RTN4RL1: variants seen among roughly 807,000 people sequenced by gnomAD.
The protein encoded by RTN4RL1 is reticulon 4 receptor like 1.
Under a neutral mutation model 25.6 loss-of-function variants are expected in RTN4RL1, and 7 were observed. The observed-to-expected ratio is 0.27, with a 90% CI of 0.16 to 0.51. The LOEUF is 0.51. Ranked by LOEUF, RTN4RL1 falls within the 20% of genes least tolerant of loss-of-function variation. The pLI is 0.97. For missense variants in RTN4RL1, 500 were observed against 615.6 expected (o/e 0.81, Z 1.99); for synonymous variants, 297 against 288.2 (o/e 1.03, Z -0.31).
intron 1 of RTN4RL1, among the ~76,000 whole-genome samples, chr17:1,972,889 G>C (rs989549907): frequency 1.3e-5 from 2 of 152,192 alleles, no homozygotes; most frequent in African/African-American, 4.8e-5. Context: ...AGAGAGCCTG[G>C]CTGGAGCTGG....
chr17:2,013,631 C>CTTGGGGTTTGATAGCT (rs1567528138), intron 1 of RTN4RL1, among the ~76,000 whole-genome samples: 12 of 136,032 alleles, frequency 8.8e-5, no homozygotes, highest in African/African-American at 2.8e-4. Flanking sequence ...CTCCCTCACC[C>CTTGGGGTTTGATAGCT]TGGAACATAA....
intron 1 of RTN4RL1, among the ~76,000 whole-genome samples, chr17:1,987,417 C>A (rs921570969): frequency 6.6e-6 from 1 of 152,152 alleles, no homozygotes; most frequent in Non-Finnish European, 1.5e-5. Flanking sequence ...CTGCTGGATC[C>A]TTCTGAGAAT....
chr17:1,983,535 A>T (rs1366958223), intron 1 of RTN4RL1, among the ~76,000 whole-genome samples: 1 of 152,126 alleles, frequency 6.6e-6, no homozygotes, highest in Non-Finnish European at 1.5e-5. Context: ...AGCAGCTGAG[A>T]CCATAGTCAC....
chr17:1,997,537 G>T (rs2151320974), intron 1 of RTN4RL1, among the ~76,000 whole-genome samples: 1 of 152,330 alleles, frequency 6.6e-6, no homozygotes, highest in South Asian at 2.1e-4. Context: ...AAGTATGACT[G>T]GCCCATAGTA....
rs562179764 is a variant in RTN4RL1, at chr17:1,971,226, C to T, written c.14-33418G>A. On this transcript the variant is annotated intron_variant, in intron 1 of 1. Transcript: ENST00000331238. ...TTCTCATGAGATCTGATGGTTTATA[C>T]GTGTTTGACAGTTCCTCCTTCACAT... 5.4e-4 allele frequency among the ~76,000 whole-genome samples: 82 copies of T among 152,278 alleles called. 3 individuals carry two copies. In the South Asian group the frequency reaches 0.015, roughly 28 times the overall value.
chr17:1,943,712 G>A (rs1175401287), intron 1 of RTN4RL1, among the ~76,000 whole-genome samples: 1 of 152,178 alleles, frequency 6.6e-6, no homozygotes, highest in Non-Finnish European at 1.5e-5. Flanking sequence ...CCAAGCACAG[G>A]CCACTTCCTG....
intron 1 of RTN4RL1, among the ~76,000 whole-genome samples, chr17:1,964,021 G>A (rs575663037): frequency 3.4e-4 from 51 of 152,228 alleles, no homozygotes; most frequent in African/African-American, 1.2e-3. Flanking sequence ...CCACCGCGCC[G>A]GGCCTGCCCT....
At chr17:1,937,860 GGCACC>G in intron 1 of RTN4RL1, 52 bp from the exon 2 acceptor site, 1 of 1,396,750 alleles carries the variant, frequency 7.2e-7, no homozygotes, top group Non-Finnish European at 9.8e-7. Context: ...GGTGAGGACT[GGCACC>G]GCACCCTCCG....
In RTN4RL1 at chr17:1,935,692, A is replaced by T. The variant is rs1915280046; in HGVS notation, c.*804T>A. 1.2e-6 allele frequency: 1 copy of T among 857,556 alleles called. No individual in the cohort carries two copies. Among genetic ancestry groups the T allele is most frequent in the Non-Finnish European group, 1.4e-6 (1 of 728,400 alleles). The allele number at this position is 857,556 out of a possible 1,614,324, so 53.1% of individuals were successfully genotyped here. On this transcript the variant is annotated 3_prime_UTR_variant, in exon 2 of 2. Coordinates refer to ENST00000331238, the MANE Select transcript of RTN4RL1 (RefSeq NM_178568.4). Reference sequence around the variant, plus strand: ...ACGTACAGTTAGGTAACGGAGTGGGAGGGGGACTGTGCATTTGTGTATATA... The same window carrying T: ...ACGTACAGTTAGGTAACGGAGTGGGTGGGGGACTGTGCATTTGTGTATATA...
chr17:1,980,407 T>C (rs1370084961), intron 1 of RTN4RL1, among the ~76,000 whole-genome samples: 1 of 151,964 alleles, frequency 6.6e-6, no homozygotes, highest in Non-Finnish European at 1.5e-5. Flanking sequence ...TCCAATTCCA[T>C]AGGATCCCAG....
At chr17:2,021,551 C>CTTT (rs767770637) in intron 1 of RTN4RL1, among the ~76,000 whole-genome samples, 2,671 of 106,144 alleles carry the variant, frequency 0.025, 198 homozygotes, top group African/African-American at 0.082. Context: ...CATCCTATAC[C>CTTT]TTTTTTTTTT....
intron 1 of RTN4RL1, among the ~76,000 whole-genome samples, chr17:1,973,101 G>T (rs925001809): frequency 1.4e-4 from 22 of 152,220 alleles, no homozygotes; most frequent in Non-Finnish European, 2.9e-4. Flanking sequence ...GGCGGCTCAT[G>T]CCTGTAATCC....
At chr17:2,002,492 C>T (rs941969752) in intron 1 of RTN4RL1, among the ~76,000 whole-genome samples, 6 of 150,668 alleles carry the variant, frequency 4.0e-5, no homozygotes, top group Non-Finnish European at 8.8e-5. Context: ...TGGGGTTTCA[C>T]CGTGTTAGCC....
chr17:1,998,643 G>C lies in RTN4RL1; in HGVS notation c.13+26210C>G, dbSNP rs2066941215. 1.3e-5 allele frequency among the ~76,000 whole-genome samples: 2 copies of C among 151,132 alleles called. 1 individual carries two copies. Among genetic ancestry groups the C allele is most frequent in the African/African-American group, 4.9e-5 (2 of 41,188 alleles). ...CGGCTCGCCTCCTCCTGGGCTCGCCGGGATGTGGCCTCCGAGGTCGCCGCG... is the reference window on the plus strand; with the variant it reads ...CGGCTCGCCTCCTCCTGGGCTCGCCCGGATGTGGCCTCCGAGGTCGCCGCG... On this transcript the variant is annotated intron_variant, in intron 1 of 1. Coordinates refer to ENST00000331238, the MANE Select transcript of RTN4RL1 (RefSeq NM_178568.4). The surrounding 1 kb of genome is among the most constrained non-coding windows in gnomAD (Gnocchi z 4.9).
chr17:1,985,404 T>A (rs891075758), intron 1 of RTN4RL1, among the ~76,000 whole-genome samples: 8 of 152,322 alleles, frequency 5.3e-5, no homozygotes, highest in African/African-American at 1.9e-4. Context: ...GCCTGGCAGA[T>A]GGGAAACGAA....
At chr17:2,003,009 G>C (rs1418555679) in intron 1 of RTN4RL1, 2 of 152,188 alleles carry the variant, frequency 1.3e-5, no homozygotes, top group African/African-American at 4.8e-5. Context: ...CTTCCCTTGT[G>C]TTGCTGTTCT....
Position 1,998,353 on chromosome 17 carries a change from C to G in RTN4RL1, c.13+26500G>C, listed in dbSNP as rs2066939572. 6.6e-6 allele frequency among the ~76,000 whole-genome samples: 1 copy of G among 152,236 alleles called. No homozygotes were observed. Among genetic ancestry groups the G allele is most frequent in the Admixed American group, 6.5e-5 (1 of 15,306 alleles). On this transcript the variant is annotated intron_variant, in intron 1 of 1. Transcript: ENST00000331238. This position sits in a 1 kb window ranked among gnomAD's most constrained non-coding sequence, Gnocchi z 4.9. ...CCCCGCCCGGGAGGGTCTTCTCGCT[C>G]TAGAGCCGGGGGCCCGCGCTGAGAG...
chr17:1,970,416 G>A (rs576486133), intron 1 of RTN4RL1, among the ~76,000 whole-genome samples: 4 of 152,276 alleles, frequency 2.6e-5, no homozygotes, highest in South Asian at 2.1e-4. Flanking sequence ...AAACCACAGC[G>A]TGAAACTGCC....
At chr17:1,947,666 G>T (rs1275120951) in intron 1 of RTN4RL1, among the ~76,000 whole-genome samples, 1 of 152,182 alleles carries the variant, frequency 6.6e-6, no homozygotes, top group South Asian at 2.1e-4. Context: ...TAATTAGGCC[G>T]CCACATTCTC....
Sources: gnomAD v4.1 joint callset for allele counts (sites outside exome capture counted in the v4.1 genomes callset) on GRCh38, gnomAD v4.1.1 for gene constraint, Gnocchi (gnomAD v3.1) non-coding constraint, MANE v1.5 for transcripts, NCBI Gene and HGNC (gene_info 2026-07-23, HGNC 2026-07-21) for gene names.